The following MATCAP2 variants were observed in gnomAD, a reference collection of about 807,000 sequenced individuals.
MATCAP2 encodes microtubule associated tyrosine carboxypeptidase 2.
At chr7:36,339,361 CTG>C in the MATCAP2 span, among the ~76,000 whole-genome samples, 1 of 152,222 alleles carries the variant, frequency 6.6e-6, no homozygotes, top group Non-Finnish European at 1.5e-5. Flanking sequence ...GGTCCCAAAA[CTG>C]TTACTGAAAG....
chr7:36,361,247 G>A, the MATCAP2 span, among the ~76,000 whole-genome samples: 4 of 151,958 alleles, frequency 2.6e-5, no homozygotes, highest in Admixed American at 6.6e-5. Context: ...TAAACCCATC[G>A]GTACCTCCCG....
chr7:36,342,203 G>A, the MATCAP2 span, among the ~76,000 whole-genome samples: 1 of 148,244 alleles, frequency 6.7e-6, no homozygotes, highest in African/African-American at 2.5e-5. Context: ...TTTCTGAGAT[G>A]GAGTCTCATC....
At chr7:36,378,970 G>T in the MATCAP2 span, among the ~76,000 whole-genome samples, 1 of 152,236 alleles carries the variant, frequency 6.6e-6, no homozygotes, top group African/African-American at 2.4e-5. Flanking sequence ...CAGTAGTTGG[G>T]TGGCAGTGTC....
chr7:36,357,558 T>C, the MATCAP2 span: 1 of 1,613,332 alleles, frequency 6.2e-7, no homozygotes, highest in Middle Eastern at 1.7e-4. Context: ...ATAGACTTCT[T>C]AGCAAGTTCT....
At chr7:36,328,737 T>A in the MATCAP2 span, among the ~76,000 whole-genome samples, 2 of 149,696 alleles carry the variant, frequency 1.3e-5, no homozygotes, top group African/African-American at 5.0e-5. Flanking sequence ...AGAGTAAGAC[T>A]CCATCTCACA....
At chr7:36,342,629 T>G in the MATCAP2 span, among the ~76,000 whole-genome samples, 1 of 152,002 alleles carries the variant, frequency 6.6e-6, no homozygotes, top group East Asian at 1.9e-4. Flanking sequence ...TGAGTAATTT[T>G]TTTGTTTGTT....
chr7:36,363,420 G>C, the MATCAP2 span, among the ~76,000 whole-genome samples: 147,877 of 152,336 alleles, frequency 0.97, 71,937 homozygotes, highest in East Asian at 1. Context: ...AACTAGATGC[G>C]TTCTATTTTG....
At chr7:36,377,974 G>A in the MATCAP2 span, among the ~76,000 whole-genome samples, 1 of 152,060 alleles carries the variant, frequency 6.6e-6, no homozygotes, top group Non-Finnish European at 1.5e-5. Flanking sequence ...GTTCTTCTCT[G>A]CACTGTTTAT....
the MATCAP2 span, chr7:36,326,771 C>A: frequency 3.7e-6 from 6 of 1,612,748 alleles, no homozygotes; most frequent in Non-Finnish European, 5.1e-6. Flanking sequence ...TATATAAGAT[C>A]TTTCAGTTCC....
the MATCAP2 span, among the ~76,000 whole-genome samples, chr7:36,383,013 G>T: frequency 6.6e-6 from 1 of 152,266 alleles, no homozygotes; most frequent in South Asian, 2.1e-4. Context: ...AAGGACTTAT[G>T]CCTGTAGTTG....
the MATCAP2 span, among the ~76,000 whole-genome samples, chr7:36,355,005 T>TG: frequency 2.0e-5 from 3 of 152,036 alleles, no homozygotes; most frequent in African/African-American, 7.2e-5. Context: ...CAGGTAGGGG[T>TG]GGGGTAGGTC....
At chr7:36,347,570 AAAGG>A in the MATCAP2 span, among the ~76,000 whole-genome samples, 1 of 152,212 alleles carries the variant, frequency 6.6e-6, no homozygotes, top group African/African-American at 2.4e-5. Flanking sequence ...TTCACTGGCA[AAAGG>A]GAGATTAAAA....
chr7:36,349,027 G>T, the MATCAP2 span, among the ~76,000 whole-genome samples: 4 of 152,360 alleles, frequency 2.6e-5, no homozygotes, highest in South Asian at 6.2e-4. Context: ...ACAAGAAACT[G>T]AAGGATGGTA....
At chr7:36,368,849 T>C in the MATCAP2 span, among the ~76,000 whole-genome samples, 1 of 152,170 alleles carries the variant, frequency 6.6e-6, no homozygotes, top group Non-Finnish European at 1.5e-5. Flanking sequence ...CTGCGTGGAA[T>C]GTTCTTCCCT....
At chr7:36,389,443 G>A in the MATCAP2 span, among the ~76,000 whole-genome samples, 2 of 151,846 alleles carry the variant, frequency 1.3e-5, no homozygotes, top group Non-Finnish European at 2.9e-5. Context: ...GCTCACTGCA[G>A]CCATGACCTC....
chr7:36,390,027 A>G, the MATCAP2 span: 1 of 1,614,038 alleles, frequency 6.2e-7, no homozygotes, highest in Non-Finnish European at 8.5e-7. Flanking sequence ...GCCTGGGGCG[A>G]TGGATCCGTT....
chr7:36,368,150 G>A, the MATCAP2 span: 2 of 152,166 alleles, frequency 1.3e-5, no homozygotes, highest in African/African-American at 2.4e-5. Flanking sequence ...AGGTTCTGAG[G>A]CAGGCTTTGA....
chr7:36,382,677 T>C, the MATCAP2 span, among the ~76,000 whole-genome samples: 1 of 152,116 alleles, frequency 6.6e-6, no homozygotes, highest in Non-Finnish European at 1.5e-5. Flanking sequence ...GTACTTTTAG[T>C]AGAGACAGGG....
the MATCAP2 span, among the ~76,000 whole-genome samples, chr7:36,349,605 A>T: frequency 1.5e-4 from 23 of 152,226 alleles, no homozygotes; most frequent in East Asian, 4.4e-3. Flanking sequence ...AGTATTCTGG[A>T]TGTATAAAAG....
Sources: allele counts gnomAD v4.1 joint callset (sites outside exome capture counted in the v4.1 genomes callset), GRCh38; gene constraint gnomAD v4.1.1; transcripts MANE v1.5; gene names NCBI Gene and HGNC (gene_info 2026-07-23, HGNC 2026-07-21).